ELMO2: variants seen among roughly 807,000 people sequenced by gnomAD.
ELMO2 encodes the protein engulfment and cell motility 2.
ELMO2 carries 37 observed loss-of-function variants against 96.2 expected under a neutral mutation model. That is an observed-to-expected ratio of 0.38 (90% CI 0.30 to 0.51). The LOEUF (loss-of-function observed/expected upper bound fraction) is 0.51. Among genes scored for constraint, ELMO2 ranks in the 20% least tolerant of loss-of-function variants. The pLI, the probability that ELMO2 is intolerant of heterozygous loss-of-function variation, is 0.88. For synonymous variants in ELMO2, 315 were observed against 329.4 expected, an observed-to-expected ratio of 0.96 and a Z score of 0.47; for missense variants, 561 against 912.6, an observed-to-expected ratio of 0.61 and a Z score of 4.96.
chr20:46,381,762 A>G (rs1463251060), intron 10 of ELMO2, among the ~76,000 whole-genome samples: 2 of 152,208 alleles, frequency 1.3e-5, no homozygotes, highest in African/African-American at 2.4e-5. Context: ...TAATGAAGAA[A>G]TGAGCATCCA....
At chr20:46,383,144 C>T (rs1349529288) in intron 10 of ELMO2, among the ~76,000 whole-genome samples, 1 of 152,162 alleles carries the variant, frequency 6.6e-6, no homozygotes, top group Non-Finnish European at 1.5e-5. Context: ...GACCATATGG[C>T]CCATAAAGTC....
At chr20:46,376,894 T>G in intron 11 of ELMO2, 1 of 1,150,388 alleles carries the variant, frequency 8.7e-7, no homozygotes, top group East Asian at 5.9e-5. Context: ...CAAATTTAAG[T>G]TGAAAATTTG....
rs564846341 is a variant in ELMO2 at position 46,368,063 on chromosome 20, G to A, written c.1963-503C>T. On this transcript the variant is annotated intron_variant, in intron 21 of 21. Transcript: ENST00000290246. The stretch of plus-strand genomic sequence containing the variant: ...GTCTCATGCTAAGAGGGGGTGACCA[G>A]GAAGCCTTCTGATCCCACCGCTCCC... Among the ~76,000 whole-genome samples the A allele has an allele frequency of 2.0e-4, 31 of 152,280 alleles. 1 individual carries two copies. The South Asian group carries it at 6.0e-3, about 30-fold the overall frequency.
chr20:46,373,688 CT>C (rs577188562), intron 15 of ELMO2, among the ~76,000 whole-genome samples, 153 bp from the exon 16 acceptor site: 3 of 152,134 alleles, frequency 2.0e-5, no homozygotes, highest in Non-Finnish European at 4.4e-5. Flanking sequence ...TTCTCACGTC[CT>C]TAGCTTTCTT....
rs754050737 is a variant in ELMO2, at chr20:46,368,867, CTA to C, written c.1962+22_1962+23del. The C allele has an allele frequency of 1.9e-6, 3 of 1,613,470 alleles. No individual in the cohort carries two copies. The Admixed American group carries it at 5.0e-5, about 27-fold the overall frequency. ...AGAGTTACAGAAATAGCTCTGTTGT[CTA>C]AGGCAGCGCCACACTGCTCACCTCA... On this transcript the variant is annotated intron_variant, in intron 21 of 21. Coordinates refer to ENST00000290246, the MANE Select transcript of ELMO2 (RefSeq NM_133171.5).
chr20:46,373,203 GAA>G, intron 16 of ELMO2, 194 bp downstream of exon 16: 1 of 651,414 alleles, frequency 1.5e-6, no homozygotes, highest in Admixed American at 3.1e-5. Context: ...GCACCAAGTG[GAA>G]GACAAGCTCA....
At position 46,368,873 on chromosome 20, in the gene ELMO2, C is replaced by T. The variant is rs761136614; in HGVS notation, c.1962+18G>A. 4 of 1,613,622 alleles carry T rather than the reference C, an allele frequency of 2.5e-6. No homozygotes were observed. In the Admixed American group the frequency reaches 5.0e-5, roughly 20 times the overall value. On this transcript the variant is annotated intron_variant, in intron 21 of 21. Coordinates refer to ENST00000290246, the MANE Select transcript of ELMO2 (RefSeq NM_133171.5). ...ACAGAAATAGCTCTGTTGTCTAAGG[C>T]AGCGCCACACTGCTCACCTCATATT... is the stretch of plus-strand genomic sequence containing the variant.
In ELMO2 at chr20:46,393,556, A is replaced by G. The variant is rs767783263; in HGVS notation, c.165T>C (p.Asp55=). 6.2e-7 allele frequency: 1 copy of G among 1,614,176 alleles called. No individual in the cohort carries two copies. The highest frequency in any genetic ancestry group is 2.2e-5 in the East Asian group (1 of 44,884). The change falls in exon 5 of 22, where the codon GAT becomes GAC. Residue 55 remains aspartate (D), a synonymous_variant. Transcript: ENST00000290246. ...GTTCGGTGATGTACAGCTGAGGACC[A>G]TCTGCATAACGGAGGGTATAATACT... ...NPEYYTLRYA[D]GPQLYITEQT...
At chr20:46,382,481 T>G (rs1441396875) in intron 10 of ELMO2, among the ~76,000 whole-genome samples, 1 of 152,236 alleles carries the variant, frequency 6.6e-6, no homozygotes, top group Non-Finnish European at 1.5e-5. Context: ...CTAAAATGTC[T>G]TACTTTTAAC....
intron 15 of ELMO2, among the ~76,000 whole-genome samples, chr20:46,373,952 TAG>T (rs1262067197): frequency 1.2e-3 from 170 of 140,582 alleles, no homozygotes; most frequent in African/African-American, 4.3e-3. Context: ...TTTTTTAAGA[TAG>T]AGTCTCACTC....
chr20:46,377,156 C>T (rs2059876013), intron 11 of ELMO2, among the ~76,000 whole-genome samples: 1 of 41,974 alleles, frequency 2.4e-5, no homozygotes, highest in African/African-American at 9.5e-5. Flanking sequence ...AGTTTGGTAG[C>T]CCCCAGGCCC....
chr20:46,382,188 C>A (rs1432014279), intron 10 of ELMO2: 6 of 1,289,712 alleles, frequency 4.7e-6, no homozygotes, highest in Non-Finnish European at 6.1e-6. Context: ...GCCCTTTCCA[C>A]ATGGCAGTGC....
At chr20:46,377,555 A>G (rs2059884516) in intron 11 of ELMO2, among the ~76,000 whole-genome samples, 1 of 152,254 alleles carries the variant, frequency 6.6e-6, no homozygotes, top group Non-Finnish European at 1.5e-5. Flanking sequence ...AAATGAAATT[A>G]AAATTACAAA....
At chr20:46,394,154 A>G (rs973789531) in intron 3 of ELMO2, 65 bp from the exon 4 acceptor site, 6 of 1,457,722 alleles carry the variant, frequency 4.1e-6, no homozygotes, top group African/African-American at 1.4e-5. Flanking sequence ...GGTTCTGACA[A>G]GAGGCCTGCC....
At chr20:46,368,727 T>C (rs1207118449) in intron 21 of ELMO2, among the ~76,000 whole-genome samples, 164 bp downstream of exon 21, 1 of 152,208 alleles carries the variant, frequency 6.6e-6, no homozygotes, top group Non-Finnish European at 1.5e-5. Context: ...CTTTGAGACA[T>C]TCCCATCCTA....
chr20:46,375,427 AAG>A lies in ELMO2; in HGVS notation c.931-59_931-58del. 1 of 1,599,166 alleles carries A rather than the reference AAG, an allele frequency of 6.3e-7. No individual in the cohort carries two copies. The highest frequency in any genetic ancestry group is 8.5e-7 in the Non-Finnish European group (1 of 1,170,416). ...ATCGGCTAACCAAGGGAGCAAGGAAAAGAAACAGTGGGTCAGGCTTTTCTGGG... is the reference window on the plus strand; with the variant it reads ...ATCGGCTAACCAAGGGAGCAAGGAAAAAACAGTGGGTCAGGCTTTTCTGGG... On this transcript the variant is annotated intron_variant, in intron 12 of 21. Coordinates refer to ENST00000290246, the MANE Select transcript of ELMO2 (RefSeq NM_133171.5). This position sits in a 1 kb window ranked among gnomAD's most constrained non-coding sequence, Gnocchi z 4.6.
At position 46,371,060 on chromosome 20, in the gene ELMO2, T is replaced by C. The variant is rs2059692247; in HGVS notation, c.1801+292A>G. 6.6e-6 allele frequency among the ~76,000 whole-genome samples: 1 copy of C among 152,150 alleles called. No individual in the cohort carries two copies. Among genetic ancestry groups the C allele is most frequent in the Non-Finnish European group, 1.5e-5 (1 of 68,034 alleles). On this transcript the variant is annotated intron_variant, in intron 19 of 21. Coordinates refer to ENST00000290246, the MANE Select transcript of ELMO2 (RefSeq NM_133171.5). This position sits in a 1 kb window ranked among gnomAD's most constrained non-coding sequence, Gnocchi z 5.9. ...AAGTTAATTAGGAGCAAAGCCAGGA[T>C]TTGAATGTGGGCAGTCTGGCTTCAC...
intron 1 of ELMO2, among the ~76,000 whole-genome samples, chr20:46,401,786 C>T (rs1176684766): frequency 6.6e-6 from 1 of 152,164 alleles, no homozygotes; most frequent in African/African-American, 2.4e-5. Flanking sequence ...TTCAACTCAA[C>T]CTTCAAGGCC....
intron 10 of ELMO2, among the ~76,000 whole-genome samples, chr20:46,382,879 A>G (rs1278856923): frequency 6.6e-6 from 1 of 152,220 alleles, no homozygotes; most frequent in Non-Finnish European, 1.5e-5. Flanking sequence ...TAGAATCTCC[A>G]TCAGAGAACC....
Sources: gnomAD v4.1 joint callset for allele counts (sites outside exome capture counted in the v4.1 genomes callset) on GRCh38, gnomAD v4.1.1 for gene constraint, Gnocchi (gnomAD v3.1) non-coding constraint, MANE v1.5 for transcripts, NCBI Gene and HGNC (gene_info 2026-07-23, HGNC 2026-07-21) for gene names.